Variants in CRACR2A observed in about 807,000 individuals in gnomAD.
CRACR2A encodes the protein EF-hand calcium-binding domain-containing protein 4B.
Under a neutral mutation model 90.5 loss-of-function variants are expected in CRACR2A, and 79 were observed. The observed-to-expected ratio is 0.87, with a 90% CI of 0.73 to 1.05. The LOEUF (loss-of-function observed/expected upper bound fraction) is 1.05, where lower values mean the gene tolerates loss of function less well. Ranked by LOEUF, CRACR2A falls within the 50% of genes least tolerant of loss-of-function variation. CRACR2A has a pLI of 0.00. For synonymous variants in CRACR2A, 338 were observed against 356.7 expected (o/e 0.95, Z 0.59); for missense variants, 823 against 897.2 (o/e 0.92, Z 1.06).
intron 1 of CRACR2A, among the ~76,000 whole-genome samples, chr12:3,741,646 C>T (rs1432716162): frequency 4.6e-5 from 7 of 152,138 alleles, no homozygotes; most frequent in Non-Finnish European, 8.8e-5. Context: ...GCTCTTCCTC[C>T]CTCACACCCA....
chr12:3,745,797 A>AAAT, intron 1 of CRACR2A, among the ~76,000 whole-genome samples: 1 of 4,554 alleles, frequency 2.2e-4, no homozygotes, highest in Admixed American at 4.2e-3. Flanking sequence ...AAATAAAATA[A>AAAT]AATAAAATAA....
intron 8 of CRACR2A, among the ~76,000 whole-genome samples, chr12:3,657,460 C>T (rs1479528161): frequency 2.0e-5 from 3 of 152,216 alleles, no homozygotes; most frequent in South Asian, 2.1e-4. Flanking sequence ...ACGGCCCCCT[C>T]GGGCCAGAGG....
chr12:3,660,829 A>AACACACACAC (rs58293233), intron 7 of CRACR2A, among the ~76,000 whole-genome samples: 23 of 119,710 alleles, frequency 1.9e-4, no homozygotes, highest in Admixed American at 5.1e-4. Flanking sequence ...CTGAACATGC[A>AACACACACAC]ACACACACAC....
intron 4 of CRACR2A, among the ~76,000 whole-genome samples, chr12:3,685,534 C>A (rs905045375): frequency 3.9e-5 from 6 of 152,144 alleles, no homozygotes; most frequent in African/African-American, 7.2e-5. Context: ...TATATACATA[C>A]AATGGAATAT....
chr12:3,684,203 C>A (rs1945511057), intron 4 of CRACR2A, among the ~76,000 whole-genome samples: 5 of 152,158 alleles, frequency 3.3e-5, no homozygotes, highest in Admixed American at 3.3e-4. Context: ...CCTTTTGGGG[C>A]AATCACAGCA....
chr12:3,705,792 CGGAATTGAATTGACTTATA>C (rs1945908344), intron 3 of CRACR2A, among the ~76,000 whole-genome samples: 1 of 152,150 alleles, frequency 6.6e-6, no homozygotes, highest in South Asian at 2.1e-4. Flanking sequence ...TGGATAATGT[CGGAATTGAATTGACTTATA>C]GGATACACAT....
At chr12:3,748,856 G>A (rs769317929) in intron 1 of CRACR2A, among the ~76,000 whole-genome samples, 8 of 152,142 alleles carry the variant, frequency 5.3e-5, no homozygotes, top group Admixed American at 3.3e-4. Context: ...TCCGGATGAC[G>A]TCATGCTAAC....
At position 3,743,676 on chromosome 12, in the gene CRACR2A, T is replaced by C. The variant is rs1946565587; in HGVS notation, c.-387+9339A>G. Among the ~76,000 whole-genome samples the C allele has an allele frequency of 2.6e-5, 4 of 152,362 alleles. No homozygotes were observed. The South Asian group carries it at 8.3e-4, about 32-fold the overall frequency. On this transcript the variant is annotated intron_variant, in intron 1 of 19. Transcript: ENST00000440314. ...GGTAAGACCTATATCAGAAAATGCC[T>C]GGCACATGGCAGGCATTTGACAAAT...
At chr12:3,709,570 G>A (rs1945978820) in intron 3 of CRACR2A, among the ~76,000 whole-genome samples, 1 of 152,214 alleles carries the variant, frequency 6.6e-6, no homozygotes, top group South Asian at 2.1e-4. Flanking sequence ...TTGAGGTCAG[G>A]AGTTCACAAC....
At chr12:3,631,217 T>G (rs916515461) in intron 15 of CRACR2A, among the ~76,000 whole-genome samples, 1 of 152,200 alleles carries the variant, frequency 6.6e-6, no homozygotes, top group Non-Finnish European at 1.5e-5. Flanking sequence ...TTTGGAACTT[T>G]TGATATTTTT....
At chr12:3,689,756 C>T (rs961483292) in intron 4 of CRACR2A, among the ~76,000 whole-genome samples, 5 of 147,850 alleles carry the variant, frequency 3.4e-5, no homozygotes, top group African/African-American at 7.5e-5. Flanking sequence ...TTAATAGTTT[C>T]GGTAGGAATG....
Position 3,633,821 on chromosome 12 carries a change from C to T in CRACR2A, c.1603-85G>A. On this transcript the variant is annotated intron_variant, in intron 14 of 19. Coordinates refer to ENST00000440314, the MANE Select transcript of CRACR2A (RefSeq NM_001144958.2). This position sits in a 1 kb window ranked among gnomAD's most constrained non-coding sequence, Gnocchi z 4.5. The stretch of plus-strand genomic sequence containing the variant: ...GCCACCAGAGGCCCTTTACCCATCC[C>T]TACAGTGGCCCTCAGGAGGTGCAGA... 2.0e-6 allele frequency: 3 copies of T among 1,528,946 alleles called. No individual in the cohort carries two copies. Among genetic ancestry groups the T allele is most frequent in the East Asian group, 4.9e-5 (2 of 40,812 alleles). 94.7% of individuals were successfully genotyped at this position (1,528,946 alleles called of 1,614,324 possible).
chr12:3,648,259 G>A, intron 11 of CRACR2A: 1 of 1,323,094 alleles, frequency 7.6e-7, no homozygotes, highest in Non-Finnish European at 9.7e-7. Context: ...GCTCGCATGA[G>A]ATCAAGTACC....
chr12:3,680,897 A>G lies in CRACR2A; in HGVS notation c.229-548T>C, dbSNP rs76872693. On this transcript the variant is annotated intron_variant, in intron 4 of 19. Transcript: ENST00000440314. The stretch of plus-strand genomic sequence containing the variant: ...ATGTAAAGCATATAACAGTGCCTGC[A>G]TACAGAAAGCATTCAATATAAAGTA... Among the ~76,000 whole-genome samples the G allele has an allele frequency of 5.9e-3, 904 of 152,336 alleles. 4 individuals are homozygous for G. The highest frequency in any genetic ancestry group is 0.01 in the Middle Eastern group (3 of 294).
chr12:3,672,922 G>A (rs962026552), intron 7 of CRACR2A: 1 of 425,522 alleles, frequency 2.4e-6, no homozygotes, highest in Non-Finnish European at 3.1e-6. Context: ...CAGGGCTATA[G>A]GTCACCTTAC....
At position 3,744,816 on chromosome 12, in the gene CRACR2A, G is replaced by A. The variant is rs1463902022; in HGVS notation, c.-387+8199C>T. ...AGACGGTATCACTGTATGACTTCCT[G>A]GAGCCACAGTTAAAACCAAACCTTC... On this transcript the variant is annotated intron_variant, in intron 1 of 19. Transcript: ENST00000440314. Among the ~76,000 whole-genome samples the A allele has an allele frequency of 2.0e-5, 3 of 152,124 alleles. No homozygotes were observed. The East Asian group carries it at 5.8e-4, about 29-fold the overall frequency.
intron 14 of CRACR2A, among the ~76,000 whole-genome samples, chr12:3,634,726 A>G (rs563057905): frequency 2.1e-4 from 32 of 152,312 alleles, no homozygotes; most frequent in African/African-American, 7.5e-4. Flanking sequence ...AAATACTATA[A>G]TGTAGTGGCA....
At position 3,746,536 on chromosome 12, in the gene CRACR2A, T is replaced by C. The variant is rs1591729119; in HGVS notation, c.-387+6479A>G. ...CACCCACCAAACTGGCACCATGATGTTAGACTTCCAGCCTCCAGAACTGTG... is the reference window on the plus strand; with the variant it reads ...CACCCACCAAACTGGCACCATGATGCTAGACTTCCAGCCTCCAGAACTGTG... On this transcript the variant is annotated intron_variant, in intron 1 of 19. Coordinates refer to ENST00000440314, the MANE Select transcript of CRACR2A (RefSeq NM_001144958.2). This position sits in a 1 kb window ranked among gnomAD's most constrained non-coding sequence, Gnocchi z 4.4. Among the ~76,000 whole-genome samples the C allele has an allele frequency of 6.6e-6, 1 of 152,188 alleles. No individual in the cohort carries two copies. The highest frequency in any genetic ancestry group is 1.9e-4 in the East Asian group (1 of 5,192).
At chr12:3,752,627 C>A (rs1273015901) in intron 1 of CRACR2A, 1 of 152,428 alleles carries the variant, frequency 6.6e-6, no homozygotes, top group Non-Finnish European at 1.5e-5. Context: ...TAGCACTGAC[C>A]TGCAAGGTAG....
Sources: gnomAD v4.1 joint callset for allele counts (sites outside exome capture counted in the v4.1 genomes callset) on GRCh38, gnomAD v4.1.1 for gene constraint, Gnocchi (gnomAD v3.1) non-coding constraint, MANE v1.5 for transcripts, NCBI Gene and HGNC (gene_info 2026-07-23, HGNC 2026-07-21) for gene names.